Variants in RLF observed in about 807,000 individuals in gnomAD.
RLF encodes the protein RLF zinc finger.
RLF carries 7 observed loss-of-function variants against 162.9 expected under a neutral mutation model. The ratio of observed to expected loss-of-function variants is 0.04; its 90% CI spans 0.02 to 0.08. RLF has a LOEUF of 0.08. Among genes scored for constraint, RLF ranks in the 10% least tolerant of loss-of-function variants. RLF has a pLI of 1.00. For missense variants in RLF, 1,664 were observed against 2,244.7 expected (o/e 0.74, Z 5.23); for synonymous variants, 782 against 791.5 (o/e 0.99, Z 0.20).
rs955385972 is a variant in RLF at position 40,237,719 on chromosome 1, A to G, written c.3017A>G (p.Glu1006Gly). The change falls in exon 8 of 8, where the codon GAA (glutamate) becomes GGA (glycine). Residue 1006 changes from glutamate (E) to glycine (G), a missense_variant. Physicochemically the swap from Glu to Gly is moderately conservative, Grantham distance 98. Around this residue, in one of 15 missense-constraint regions of RLF, gnomAD observed 295 missense variants for 317.4 expected, o/e 0.93. Transcript: ENST00000372771. The surrounding 1 kb of genome is among the most constrained non-coding windows in gnomAD (Gnocchi z 4.4). ...SLGNEHNQTT[E>G]KLDAEPKPCS... Reference sequence around the variant, plus strand: ...GGTAATGAACATAATCAGACAACTGAAAAGTTGGATGCAGAACCTAAACCC... The same window carrying G: ...GGTAATGAACATAATCAGACAACTGGAAAGTTGGATGCAGAACCTAAACCC... The G allele has an allele frequency of 6.2e-7, 1 of 1,614,012 alleles. No homozygotes were observed. The highest frequency in any genetic ancestry group is 1.3e-5 in the African/African-American group (1 of 74,926).
chr1:40,202,968 A>G (rs1384799174), intron 5 of RLF, among the ~76,000 whole-genome samples: 1 of 152,134 alleles, frequency 6.6e-6, no homozygotes, highest in Non-Finnish European at 1.5e-5. Context: ...GATAAACTAA[A>G]GAAAATGGCA....
intron 1 of RLF, among the ~76,000 whole-genome samples, chr1:40,170,126 C>T (rs1375414448): frequency 1.3e-5 from 2 of 152,202 alleles, no homozygotes; most frequent in African/African-American, 4.8e-5. Context: ...TCAAGAGTCA[C>T]ATTGCTTTTT....
In RLF at chr1:40,239,572, G is replaced by A. The variant is rs1643264089; in HGVS notation, c.4870G>A (p.Glu1624Lys). 5 of 1,614,118 alleles carry A rather than the reference G, an allele frequency of 3.1e-6. No homozygotes were observed. The highest frequency in any genetic ancestry group is 4.2e-6 in the Non-Finnish European group (5 of 1,180,024). ...ENRSCESERT[E>K]HSHSPGDSSA... Reference sequence around the variant, plus strand: ...TAGAAGCTGTGAATCAGAGCGCACAGAACACAGCCATTCCCCGGGTGACAG... The same window carrying A: ...TAGAAGCTGTGAATCAGAGCGCACAAAACACAGCCATTCCCCGGGTGACAG... The change falls in exon 8 of 8, where the codon GAA becomes AAA. Residue 1624 changes from glutamate to lysine, a missense_variant. Glu to Lys is a moderately conservative substitution (Grantham distance 56). Transcript: ENST00000372771.
At position 40,205,564 on chromosome 1, in the gene RLF, G is replaced by T. The variant is rs531388430; in HGVS notation, c.810+2950G>T. 9.4e-5 allele frequency among the ~76,000 whole-genome samples: 13 copies of T among 138,440 alleles called. No homozygotes were observed. The East Asian group carries it at 2.8e-3, about 30-fold the overall frequency. The allele number at this position is 138,440 out of a possible 152,430, so 90.8% of individuals were successfully genotyped here. On this transcript the variant is annotated intron_variant, in intron 5 of 7. Transcript: ENST00000372771. ...GAGTGCAGTGGCACGATCTTGGCTCGCTGCAAGCTCCGCCTCCCAGGTTCA... is the reference window on the plus strand; with the variant it reads ...GAGTGCAGTGGCACGATCTTGGCTCTCTGCAAGCTCCGCCTCCCAGGTTCA...
At chr1:40,168,737 A>G (rs541015053) in intron 1 of RLF, among the ~76,000 whole-genome samples, 4 of 152,170 alleles carry the variant, frequency 2.6e-5, no homozygotes, top group Non-Finnish European at 5.9e-5. Flanking sequence ...TCTCCCCTGT[A>G]ATACCAGCAC....
At position 40,238,315 on chromosome 1, in the gene RLF, A is replaced by C; in HGVS notation, c.3613A>C (p.Lys1205Gln). The change falls in exon 8 of 8, where the codon AAA becomes CAA. Residue 1205 changes from lysine (K) to glutamine (Q), a missense_variant. Coordinates refer to ENST00000372771, the MANE Select transcript of RLF (RefSeq NM_012421.4). This position sits in a 1 kb window ranked among gnomAD's most constrained non-coding sequence, Gnocchi z 5.2. ...HQIGSDRATHKLLDNEKCDHE... is the reference protein window; with the variant it reads ...HQIGSDRATHQLLDNEKCDHE... Reference sequence around the variant, plus strand: ...AATTGGCAGTGACAGAGCAACTCACAAACTATTAGATAATGAAAAGTGTGA... The same window carrying C: ...AATTGGCAGTGACAGAGCAACTCACCAACTATTAGATAATGAAAAGTGTGA... The C allele has an allele frequency of 6.2e-7, 1 of 1,614,208 alleles. No homozygotes were observed.
intron 5 of RLF, among the ~76,000 whole-genome samples, chr1:40,218,516 G>A (rs1220436374): frequency 6.6e-6 from 1 of 152,020 alleles, no homozygotes; most frequent in Admixed American, 6.6e-5. Flanking sequence ...ATCACGCATT[G>A]CCGTTACATC....
chr1:40,211,274 C>T (rs1339986756), intron 5 of RLF, among the ~76,000 whole-genome samples: 1 of 152,206 alleles, frequency 6.6e-6, no homozygotes, highest in Non-Finnish European at 1.5e-5. Context: ...GAAACTGAAG[C>T]CAAGCTGATA....
intron 5 of RLF, among the ~76,000 whole-genome samples, chr1:40,208,461 G>A (rs1642825030): frequency 6.6e-6 from 1 of 152,160 alleles, no homozygotes; most frequent in Non-Finnish European, 1.5e-5. Flanking sequence ...TTGCTCACTT[G>A]TCTATTCCAA....
chr1:40,227,526 G>A (rs1055032973), intron 6 of RLF, among the ~76,000 whole-genome samples: 22 of 152,188 alleles, frequency 1.4e-4, no homozygotes, highest in African/African-American at 2.9e-4. Flanking sequence ...CGTGGTTTCA[G>A]GCATGTTTAT....
intron 4 of RLF, among the ~76,000 whole-genome samples, chr1:40,201,760 A>G (rs927155018): frequency 1.3e-5 from 2 of 152,106 alleles, no homozygotes; most frequent in African/African-American, 4.8e-5. Flanking sequence ...GCATTTTCCA[A>G]AGTGTGTACT....
rs1246625210 is a variant in RLF at position 40,161,642 on chromosome 1, G to A, written c.237+6G>A. ...ACTGCCGGAGCTTCTGCCAGGTGAG[G>A]GGCTGACTGGCTGGCTGAGGGCGGC... On this transcript the variant is annotated splice_donor_region_variant and intron_variant, in intron 1 of 7. Coordinates refer to ENST00000372771, the MANE Select transcript of RLF (RefSeq NM_012421.4). This position sits in a 1 kb window ranked among gnomAD's most constrained non-coding sequence, Gnocchi z 4.4. The A allele has an allele frequency of 2.6e-5, 42 of 1,609,588 alleles. No individual in the cohort carries two copies. The highest frequency in any genetic ancestry group is 3.5e-5 in the Non-Finnish European group (41 of 1,178,422).
rs148593001 is a variant in RLF at position 40,204,398 on chromosome 1, G to A, written c.810+1784G>A. Among the ~76,000 whole-genome samples the A allele has an allele frequency of 3.5e-3, 534 of 151,928 alleles. 4 individuals carry two copies. Among genetic ancestry groups the A allele is most frequent in the African/African-American group, 0.012 (509 of 41,396 alleles). On this transcript the variant is annotated intron_variant, in intron 5 of 7. Transcript: ENST00000372771. Reference sequence around the variant, plus strand: ...CTTCACCTACTCTATGTGTTTACCTGCACTCATGGGGCCAAATTTACATGG... The same window carrying A: ...CTTCACCTACTCTATGTGTTTACCTACACTCATGGGGCCAAATTTACATGG...
intron 1 of RLF, among the ~76,000 whole-genome samples, chr1:40,178,193 A>G (rs992360137): frequency 6.6e-6 from 1 of 151,932 alleles, no homozygotes; most frequent in African/African-American, 2.4e-5. Context: ...TCCTTTCTCC[A>G]CTGAATTGCC....
chr1:40,199,344 T>A (rs543822857), intron 4 of RLF, among the ~76,000 whole-genome samples: 1 of 152,234 alleles, frequency 6.6e-6, no homozygotes, highest in Non-Finnish European at 1.5e-5. Flanking sequence ...AAAGGAGATA[T>A]CAGAGACAAT....
chr1:40,198,533 G>T (rs372508232), intron 4 of RLF, among the ~76,000 whole-genome samples: 1 of 151,872 alleles, frequency 6.6e-6, no homozygotes, highest in African/African-American at 2.4e-5. Flanking sequence ...ACTCCTGACC[G>T]CAGATGATCC....
chr1:40,239,641 A>G lies in RLF; in HGVS notation c.4939A>G (p.Arg1647Gly). ...CACTGATTGCTGTCATTCAAGTGAA[A>G]GGGATGGAGGTCAGAAAGGGTGCAT... ...QNTDCCHSSE[R>G]DGGQKGCIES... is the part of the protein sequence containing the mutation. Residue 1647 changes from arginine (R) to glycine (G), a missense_variant, in exon 8 of 8, where the codon AGG becomes GGG. Around this residue, in one of 15 missense-constraint regions of RLF, gnomAD observed 327 missense variants for 342.7 expected, o/e 0.95. Transcript: ENST00000372771. 6.2e-7 allele frequency: 1 copy of G among 1,614,176 alleles called. No homozygotes were observed. The highest frequency in any genetic ancestry group is 8.5e-7 in the Non-Finnish European group (1 of 1,180,026).
chr1:40,166,779 T>C (rs556305263), intron 1 of RLF, among the ~76,000 whole-genome samples: 59 of 141,536 alleles, frequency 4.2e-4, no homozygotes, highest in Non-Finnish European at 4.8e-4. Context: ...CCGCACGTTC[T>C]CACTCATAGG....
Position 40,235,884 on chromosome 1 carries a change from T to C in RLF, c.1182T>C (p.Val394=), listed in dbSNP as rs1557761944. Reference sequence around the variant, plus strand: ...AAGATGAGGAAATGAAGGCATCAGTTTGTAAAACAATTGCCTGTCTTTTAC... The same window carrying C: ...AAGATGAGGAAATGAAGGCATCAGTCTGTAAAACAATTGCCTGTCTTTTAC... ...SSEDEEMKAS[V]CKTIACLLPE... is the part of the protein sequence containing the mutation. Residue 394 remains valine (V), a synonymous_variant, in exon 8 of 8, where the codon GTT becomes GTC. Transcript: ENST00000372771. 1 of 1,614,054 alleles carries C rather than the reference T, an allele frequency of 6.2e-7. No individual in the cohort carries two copies. Among genetic ancestry groups the C allele is most frequent in the Non-Finnish European group, 8.5e-7 (1 of 1,180,020 alleles).
Sources: allele counts gnomAD v4.1 joint callset (sites outside exome capture counted in the v4.1 genomes callset), GRCh38; gene constraint gnomAD v4.1.1; regional missense constraint gnomAD v4.1.1; non-coding constraint Gnocchi (gnomAD v3.1); transcripts MANE v1.5; gene names NCBI Gene and HGNC (gene_info 2026-07-23, HGNC 2026-07-21).